ABCC6: variants seen among roughly 807,000 people sequenced by gnomAD.
The protein encoded by ABCC6 is ATP-binding cassette sub-family C member 6.
ABCC6 carries 126 observed loss-of-function variants against 169.5 expected under a neutral mutation model. The observed-to-expected ratio is 0.74, with a 90% CI of 0.64 to 0.86. The LOEUF is 0.86. Ranked by LOEUF, ABCC6 falls within the 40% of genes least tolerant of loss-of-function variation. The pLI is 0.00. For missense variants in ABCC6, 1,733 were observed against 1,927.2 expected (o/e 0.90, Z 1.89); for synonymous variants, 752 against 814.7 (o/e 0.92, Z 1.31).
At chr16:16,180,738 G>A (rs2047439715) in intron 17 of ABCC6, among the ~76,000 whole-genome samples, 1 of 151,972 alleles carries the variant, frequency 6.6e-6, no homozygotes, top group South Asian at 2.1e-4. Context: ...CAACCCTCCC[G>A]CCTTGGCTTC....
At position 16,190,318 on chromosome 16, in the gene ABCC6, A is replaced by G; in HGVS notation, c.1481T>C (p.Ile494Thr). 1.9e-6 allele frequency: 3 copies of G among 1,614,154 alleles called. No homozygotes were observed. Among genetic ancestry groups the G allele is most frequent in the Non-Finnish European group, 2.5e-6 (3 of 1,180,032 alleles). The change falls in exon 12 of 31, where the codon ATC becomes ACC. Residue 494 changes from isoleucine to threonine, a missense_variant. Coordinates refer to ENST00000205557, the MANE Select transcript of ABCC6 (RefSeq NM_001171.6). ...KDSRARLTSS[I>T]LRNSKTIKFH... ...CTTGATGGTCTTCGAGTTCCTGAGG[A>G]TAGAGCTGGTGAGCCGTGCCCGTGA...
intron 7 of ABCC6, among the ~76,000 whole-genome samples, chr16:16,206,771 G>C (rs375875494): frequency 6.6e-6 from 1 of 152,176 alleles, no homozygotes; most frequent in African/African-American, 2.4e-5. Flanking sequence ...GGCTGGGGAT[G>C]CCAGGAGTTG....
intron 22 of ABCC6, among the ~76,000 whole-genome samples, chr16:16,167,247 A>G (rs562411056): frequency 6.6e-6 from 1 of 152,200 alleles, no homozygotes; most frequent in Non-Finnish European, 1.5e-5. Flanking sequence ...AACTTTTGGA[A>G]AAGTGGTACT....
chr16:16,169,972 G>C, intron 21 of ABCC6, 119 bp from the exon 22 acceptor site: 1 of 1,033,408 alleles, frequency 9.7e-7, no homozygotes, highest in Admixed American at 2.0e-5. Context: ...CCACCACGCA[G>C]ACCTCACTGG....
Position 16,150,077 on chromosome 16 carries a change from C to G in ABCC6, c.*56G>C. Reference sequence around the variant, plus strand: ...CGATGACCACGGGTCACTTCCATCTCCAGCACTGCAGGCTGTGCGGGCTGG... The same window carrying G: ...CGATGACCACGGGTCACTTCCATCTGCAGCACTGCAGGCTGTGCGGGCTGG... On this transcript the variant is annotated 3_prime_UTR_variant, in exon 31 of 31. Transcript: ENST00000205557. 10 of 1,606,642 alleles carry G rather than the reference C, an allele frequency of 6.2e-6. No individual in the cohort carries two copies. In the South Asian group the frequency reaches 1.0e-4, roughly 16 times the overall value.
At position 16,178,927 on chromosome 16, in the gene ABCC6, G is replaced by T. The variant is rs2047379982; in HGVS notation, c.2286C>A (p.Ser762Arg). The T allele has an allele frequency of 6.2e-7, 1 of 1,613,398 alleles. No homozygotes were observed. Among genetic ancestry groups the T allele is most frequent in the Non-Finnish European group, 8.5e-7 (1 of 1,180,018 alleles). ...NLSGGQKQRL[S>R]LARAVYRKAA... The stretch of plus-strand genomic sequence containing the variant: ...CCTTTCTGTATACAGCCCGGGCCAG[G>T]CTCAGCCGCTGCTTCTGGCCTCCGG... The change falls in exon 18 of 31, where the codon AGC becomes AGA. Residue 762 changes from serine to arginine, a missense_variant. By Grantham distance (110) the Ser-to-Arg change is moderately radical. This residue lies in a region of ABCC6 where 1,601 missense variants were observed against 1,635.5 expected (regional missense o/e 0.98). Transcript: ENST00000205557.
chr16:16,208,650 T>A lies in ABCC6; in HGVS notation c.794+78A>T, dbSNP rs547490399. ...GCCTCCCAAAATGCCGGGATTACAG[T>A]CGTGAGCCACCGCACCCGGCCAATG... On this transcript the variant is annotated intron_variant, in intron 7 of 30. Transcript: ENST00000205557. 3.7e-6 allele frequency: 6 copies of A among 1,610,046 alleles called. No individual in the cohort carries two copies. In the East Asian group the frequency reaches 1.1e-4, roughly 30 times the overall value.
intron 10 of ABCC6, among the ~76,000 whole-genome samples, chr16:16,194,574 G>T (rs1414513744): frequency 6.6e-6 from 1 of 152,186 alleles, no homozygotes; most frequent in Admixed American, 6.5e-5. Flanking sequence ...GTGACTTTCT[G>T]AGATTTCTGC....
At chr16:16,199,168 TA>T (rs925198363) in intron 9 of ABCC6, among the ~76,000 whole-genome samples, 3 of 148,730 alleles carry the variant, frequency 2.0e-5, no homozygotes, top group East Asian at 2.0e-4. Context: ...ACCCTGTCTT[TA>T]AAAAAAATTC....
At chr16:16,163,766 T>C (rs1395838697) in intron 23 of ABCC6, among the ~76,000 whole-genome samples, 2 of 152,188 alleles carry the variant, frequency 1.3e-5, no homozygotes, top group Non-Finnish European at 2.9e-5. Context: ...CTGAATTTGC[T>C]GAACACCCAA....
At chr16:16,177,707 C>T (rs578257974) in intron 18 of ABCC6, 81 bp from the exon 19 acceptor site, 133 of 1,544,430 alleles carry the variant, frequency 8.6e-5, no homozygotes, top group Non-Finnish European at 1.2e-4. Flanking sequence ...CTTTGGGAAG[C>T]CAAAGCATGT....
intron 20 of ABCC6, among the ~76,000 whole-genome samples, chr16:16,174,753 T>C (rs1163178256): frequency 1.1e-5 from 1 of 89,956 alleles, no homozygotes; most frequent in Non-Finnish European, 2.3e-5. Context: ...CAAGATTCTG[T>C]CTCAAAACCC....
chr16:16,185,766 C>T (rs548930293), intron 14 of ABCC6, among the ~76,000 whole-genome samples: 6 of 135,468 alleles, frequency 4.4e-5, no homozygotes, highest in Admixed American at 1.5e-4. Flanking sequence ...GCCTGGATGA[C>T]GGAGTAAGAC....
intron 29 of ABCC6, 31 bp from the exon 30 acceptor site, chr16:16,150,803 G>A (rs576774194): frequency 1.7e-5 from 27 of 1,609,026 alleles, no homozygotes; most frequent in African/African-American, 1.1e-4. Flanking sequence ...TAGCTGGGAC[G>A]TGCGTTTGTC....
At chr16:16,172,092 G>GGGAT (rs1417852578) in intron 21 of ABCC6, among the ~76,000 whole-genome samples, 2 of 147,450 alleles carry the variant, frequency 1.4e-5, no homozygotes, top group Non-Finnish European at 3.0e-5. Context: ...ATGAGTGGGT[G>GGGAT]GGATGGCTAA....
intron 4 of ABCC6, 149 bp from the exon 5 acceptor site, chr16:16,214,598 A>G (rs1375995897): frequency 6.9e-7 from 1 of 1,444,282 alleles, no homozygotes; most frequent in African/African-American, 1.4e-5. Context: ...TAGTGGTTCT[A>G]ATTTTCTTTC....
Position 16,169,297 on chromosome 16 carries a change from GAGA to G in ABCC6, c.2995+346_2995+348del, listed in dbSNP as rs1007621979. 5.0e-4 allele frequency among the ~76,000 whole-genome samples: 76 copies of G among 152,244 alleles called. 1 individual carries two copies. The highest frequency in any genetic ancestry group is 1.7e-3 in the African/African-American group (70 of 41,550). ...AAGAAGTCTTTCCATTTTTGAGGAG[GAGA>G]AGAAGGAGTGATAGCGGTGATGCAT... On this transcript the variant is annotated intron_variant, in intron 22 of 30. Transcript: ENST00000205557.
chr16:16,157,184 C>T (rs992845997), intron 27 of ABCC6, among the ~76,000 whole-genome samples: 1 of 152,090 alleles, frequency 6.6e-6, no homozygotes, highest in East Asian at 1.9e-4. Flanking sequence ...GTAAACATTT[C>T]TGGAGCACTT....
At chr16:16,198,209 T>A (rs760685597) in intron 9 of ABCC6, 27 bp from the exon 10 acceptor site, 1 of 1,566,946 alleles carries the variant, frequency 6.4e-7, no homozygotes, top group African/African-American at 1.4e-5. Context: ...AGGAGAGAAG[T>A]AAAGTGGGGA....
Sources: gnomAD v4.1 joint callset for allele counts (sites outside exome capture counted in the v4.1 genomes callset) on GRCh38, gnomAD v4.1.1 for gene constraint, gnomAD v4.1.1 regional missense constraint, MANE v1.5 for transcripts, NCBI Gene and HGNC (gene_info 2026-07-23, HGNC 2026-07-21) for gene names.